The following TMEM233 variants were observed in gnomAD, a reference collection of about 807,000 sequenced individuals.
The protein encoded by TMEM233 is dispanin subfamily B member 2.
TMEM233 carries 6 observed loss-of-function variants against 11.2 expected under a neutral mutation model. The observed-to-expected ratio is 0.54, with a 90% CI of 0.29 to 1.06. The LOEUF is 1.06. TMEM233 is among the 50% of genes least tolerant of loss of function. TMEM233 has a pLI of 0.08. For synonymous variants in TMEM233, 59 were observed against 55.8 expected (o/e 1.06, Z -0.26); for missense variants, 127 against 144.7 (o/e 0.88, Z 0.63).
intron 1 of TMEM233, among the ~76,000 whole-genome samples, chr12:119,610,949 G>A (rs2136704286): frequency 6.6e-6 from 1 of 152,154 alleles, no homozygotes. Context: ...TTTCATATAT[G>A]TCCTCTTTCA....
chr12:119,639,979 C>G (rs1955049662), intron 2 of TMEM233, among the ~76,000 whole-genome samples: 1 of 152,294 alleles, frequency 6.6e-6, no homozygotes, highest in African/African-American at 2.4e-5. Context: ...AACGCATACA[C>G]ATGATGAGTA....
At chr12:119,638,202 G>A (rs1353706256) in intron 2 of TMEM233, among the ~76,000 whole-genome samples, 1 of 152,208 alleles carries the variant, frequency 6.6e-6, no homozygotes, top group Admixed American at 6.5e-5. Flanking sequence ...GTTCATGCCT[G>A]AAATCCCAGC....
At chr12:119,613,259 G>A (rs1954447141) in intron 1 of TMEM233, among the ~76,000 whole-genome samples, 1 of 149,868 alleles carries the variant, frequency 6.7e-6, no homozygotes. Flanking sequence ...TGAAAACCTA[G>A]CTGTATGAAT....
intron 2 of TMEM233, among the ~76,000 whole-genome samples, chr12:119,630,850 C>G (rs1040801410): frequency 3.3e-5 from 5 of 152,246 alleles, no homozygotes; most frequent in Non-Finnish European, 5.9e-5. Context: ...TAAACTCCTA[C>G]TTGCATCAAA....
chr12:119,646,341 G>A (rs1208374096), downstream of TMEM233, among the ~76,000 whole-genome samples: 1 of 152,214 alleles, frequency 6.6e-6, no homozygotes, highest in Non-Finnish European at 1.5e-5. Flanking sequence ...TTAAAGGCAT[G>A]AGCCACGGCA....
intron 1 of TMEM233, among the ~76,000 whole-genome samples, chr12:119,609,748 G>A (rs1321702455): frequency 1.3e-5 from 2 of 152,222 alleles, no homozygotes; most frequent in East Asian, 3.8e-4. Context: ...TTGAGGTTTG[G>A]GAACCTCTGC....
At chr12:119,616,223 A>G (rs1378273066) in intron 1 of TMEM233, among the ~76,000 whole-genome samples, 1 of 152,214 alleles carries the variant, frequency 6.6e-6, no homozygotes. Context: ...CAGAGCAAAG[A>G]GAAGAGTCAC....
downstream of TMEM233, among the ~76,000 whole-genome samples, chr12:119,646,532 G>A (rs1412792855): frequency 6.6e-6 from 1 of 152,256 alleles, no homozygotes; most frequent in East Asian, 1.9e-4. Flanking sequence ...AGTTCGTAGA[G>A]AGAATCCCTT....
downstream of TMEM233, among the ~76,000 whole-genome samples, chr12:119,645,469 G>C (rs1258895988): frequency 2.6e-5 from 4 of 152,126 alleles, no homozygotes; most frequent in African/African-American, 9.7e-5. Flanking sequence ...TTTGAATTCT[G>C]GTTTGGACAA....
intron 1 of TMEM233, among the ~76,000 whole-genome samples, chr12:119,625,716 A>C (rs1380386084): frequency 6.6e-6 from 1 of 152,304 alleles, no homozygotes; most frequent in South Asian, 2.1e-4. Context: ...CTGCATCAAT[A>C]GTTAACATTT....
chr12:119,631,581 T>C (rs1267610184), intron 2 of TMEM233: 3 of 985,336 alleles, frequency 3.0e-6, no homozygotes, highest in East Asian at 2.3e-4. Flanking sequence ...AAGAGGAAGA[T>C]GGTTGGAGAA....
Position 119,594,037 on chromosome 12 carries a change from G to A in TMEM233, c.186+3G>A, listed in dbSNP as rs1187672191. ...TGGCTTTGGTCTTTTCCATCATGGT[G>A]AGTGAATCACGGCCAGAGGCAGCCT... On this transcript the variant is annotated splice_donor_region_variant and intron_variant, in intron 1 of 2. Coordinates refer to ENST00000426426, the MANE Select transcript of TMEM233 (RefSeq NM_001136534.3). The surrounding 1 kb of genome is among the most constrained non-coding windows in gnomAD (Gnocchi z 5.6). 1 of 1,551,358 alleles carries A rather than the reference G, an allele frequency of 6.4e-7. No individual in the cohort carries two copies. Among genetic ancestry groups the A allele is most frequent in the African/African-American group, 1.4e-5 (1 of 73,062 alleles).
At chr12:119,600,377 G>A (rs1287355215) in intron 1 of TMEM233, among the ~76,000 whole-genome samples, 1 of 109,192 alleles carries the variant, frequency 9.2e-6, no homozygotes, top group Non-Finnish European at 1.9e-5. Flanking sequence ...TAAAAAATAT[G>A]TGGGTAGATT....
chr12:119,617,061 G>C (rs1460795681), intron 1 of TMEM233, among the ~76,000 whole-genome samples: 2 of 152,196 alleles, frequency 1.3e-5, no homozygotes, highest in Non-Finnish European at 2.9e-5. Flanking sequence ...TGGTACCACA[G>C]AGAGTGGGGA....
chr12:119,614,951 C>T (rs777273365), intron 1 of TMEM233, among the ~76,000 whole-genome samples: 66 of 151,372 alleles, frequency 4.4e-4, no homozygotes, highest in Admixed American at 2.0e-3. Context: ...CATCTCTCTC[C>T]TCTCTCCTCT....
At chr12:119,603,470 G>A (rs1247923490) in intron 1 of TMEM233, among the ~76,000 whole-genome samples, 2 of 152,156 alleles carry the variant, frequency 1.3e-5, no homozygotes, top group African/African-American at 4.8e-5. Flanking sequence ...TGTCAATGAT[G>A]ACTTTGAAGA....
chr12:119,619,319 A>G (rs1954597972), intron 1 of TMEM233, among the ~76,000 whole-genome samples: 1 of 152,176 alleles, frequency 6.6e-6, no homozygotes, highest in South Asian at 2.1e-4. Flanking sequence ...ATACAATGGG[A>G]CAAAATTCCA....
At chr12:119,596,396 G>A (rs142475328) in intron 1 of TMEM233, among the ~76,000 whole-genome samples, 31 of 151,582 alleles carry the variant, frequency 2.0e-4, no homozygotes, top group African/African-American at 7.0e-4. Flanking sequence ...GATGAGGTTT[G>A]CACATGCTTT....
rs1953976314 is a variant in TMEM233, at chr12:119,594,095, G to C, written c.186+61G>C. ...GAGACCCGGGCGGCTTTGAGCCCCT[G>C]CAGGGGAGTCCGCGCGCTCTCTGCG... On this transcript the variant is annotated intron_variant, in intron 1 of 2. Transcript: ENST00000426426. The surrounding 1 kb of genome is among the most constrained non-coding windows in gnomAD (Gnocchi z 5.6). 1 of 1,510,956 alleles carries C rather than the reference G, an allele frequency of 6.6e-7. No homozygotes were observed. Among genetic ancestry groups the C allele is most frequent in the Non-Finnish European group, 8.9e-7 (1 of 1,119,418 alleles). The allele number at this position is 1,510,956 out of a possible 1,614,324, so 93.6% of individuals were successfully genotyped here.
Sources: allele counts gnomAD v4.1 joint callset (sites outside exome capture counted in the v4.1 genomes callset), GRCh38; gene constraint gnomAD v4.1.1; non-coding constraint Gnocchi (gnomAD v3.1); transcripts MANE v1.5; gene names NCBI Gene and HGNC (gene_info 2026-07-23, HGNC 2026-07-21).